Variants in PIP4P1 observed in about 807,000 individuals in gnomAD.
PIP4P1 encodes phosphatidylinositol-4,5-bisphosphate 4-phosphatase 1.
PIP4P1 carries 14 observed loss-of-function variants against 32.3 expected under a neutral mutation model. The ratio of observed to expected loss-of-function variants is 0.43; its 90% confidence interval spans 0.29 to 0.68. The LOEUF is 0.68. Ranked by LOEUF, PIP4P1 falls within the 30% of genes least tolerant of loss-of-function variation. The pLI is 0.15. For synonymous variants in PIP4P1, 132 were observed against 137.9 expected, an observed-to-expected ratio of 0.96 and a Z score of 0.30; for missense variants, 289 against 364.5, an observed-to-expected ratio of 0.79 and a Z score of 1.69.
In PIP4P1 at chr14:20,458,117, G is replaced by T. The variant is rs1881515118; in HGVS notation, c.*442C>A. The T allele has an allele frequency of 2.7e-6, 1 of 366,168 alleles. No individual in the cohort carries two copies. The highest frequency in any genetic ancestry group is 2.1e-5 in the South Asian group (1 of 48,754). The allele number at this position is 366,168 out of a possible 1,614,324, so 22.7% of individuals were successfully genotyped here. ...ACAATGTGGGGAGAGGAGACTGAGGGTACTGAGGCCAGAGCCAACCTCTGG... is the reference window on the plus strand; with the variant it reads ...ACAATGTGGGGAGAGGAGACTGAGGTTACTGAGGCCAGAGCCAACCTCTGG... On this transcript the variant is annotated 3_prime_UTR_variant, in exon 7 of 7. Transcript: ENST00000250489.
chr14:20,461,434 C>T lies in PIP4P1; in HGVS notation c.-109G>A. On this transcript the variant is annotated 5_prime_UTR_variant, in exon 1 of 7. Coordinates refer to ENST00000250489, the MANE Select transcript of PIP4P1 (RefSeq NM_144568.4). ...ACCGCCACCGCCGCTACCGGGTCCC[C>T]AGGGCGCCTGCGCGCCGCGCGCCCA... 1 of 1,146,368 alleles carries T rather than the reference C, an allele frequency of 8.7e-7. No individual in the cohort carries two copies. The highest frequency in any genetic ancestry group is 1.1e-6 in the Non-Finnish European group (1 of 910,900). The allele number at this position is 1,146,368 out of a possible 1,614,324, so 71.0% of individuals were successfully genotyped here.
chr14:20,460,970 C>T, intron 1 of PIP4P1, 125 bp from the exon 2 acceptor site: 1 of 1,297,434 alleles, frequency 7.7e-7, no homozygotes, highest in South Asian at 1.6e-5. Context: ...ATAATTGGCA[C>T]TTCTATCAGG....
chr14:20,461,281 G>C lies in PIP4P1; in HGVS notation c.45C>G (p.Ile15Met). 1 of 1,288,676 alleles carries C rather than the reference G, an allele frequency of 7.8e-7. No homozygotes were observed. Among genetic ancestry groups the C allele is most frequent in the East Asian group, 2.9e-5 (1 of 34,660 alleles). The allele number at this position is 1,288,676 out of a possible 1,614,324, so 79.8% of individuals were successfully genotyped here. A position where few individuals can be genotyped will look rare whatever the true frequency, so the allele number is the denominator to read the frequency against. ...AACCGTTGCCGCCCGCGCCACCGTCGATGGGCTCAGACAGCAGCGGGGAAC... is the reference window on the plus strand; with the variant it reads ...AACCGTTGCCGCCCGCGCCACCGTCCATGGGCTCAGACAGCAGCGGGGAAC... ...GERSPLLSEP[I>M]DGGAGGNGLV... Residue 15 changes from isoleucine (I) to methionine (M), a missense_variant, in exon 1 of 7, where the codon ATC (isoleucine) becomes ATG (methionine). Coordinates refer to ENST00000250489, the MANE Select transcript of PIP4P1 (RefSeq NM_144568.4).
At position 20,460,349 on chromosome 14, in the gene PIP4P1, C is replaced by G. The variant is rs369093051; in HGVS notation, c.334-51G>C. Reference sequence around the variant, plus strand: ...AGCAAACCTCTAATCCCAATCCCCTCCACTTCCCTCCAAAAACACTTTATG... The same window carrying G: ...AGCAAACCTCTAATCCCAATCCCCTGCACTTCCCTCCAAAAACACTTTATG... On this transcript the variant is annotated intron_variant, in intron 2 of 6. Coordinates refer to ENST00000250489, the MANE Select transcript of PIP4P1 (RefSeq NM_144568.4). 540 of 1,305,350 alleles carry G rather than the reference C, an allele frequency of 4.1e-4. 1 individual carries two copies. The African/African-American group carries it at 7.0e-3, about 17-fold the overall frequency. 80.9% of individuals were successfully genotyped at this position (1,305,350 alleles called of 1,614,324 possible).
At position 20,458,472 on chromosome 14, in the gene PIP4P1, C is replaced by T; in HGVS notation, c.*87G>A. ...GCTGCTTGGCTTCCTTCTAGAAGCC[C>T]CGGGAGCCTTTAACTACCCCAGCTC... On this transcript the variant is annotated 3_prime_UTR_variant, in exon 7 of 7. Coordinates refer to ENST00000250489, the MANE Select transcript of PIP4P1 (RefSeq NM_144568.4). The T allele has an allele frequency of 6.3e-7, 1 of 1,586,980 alleles. No homozygotes were observed. The highest frequency in any genetic ancestry group is 8.6e-7 in the Non-Finnish European group (1 of 1,163,884).
At chr14:20,461,100 G>A (rs949985395) in intron 1 of PIP4P1, 84 bp downstream of exon 1, 2 of 1,271,980 alleles carry the variant, frequency 1.6e-6, no homozygotes, top group Non-Finnish European at 2.0e-6. Flanking sequence ...TCCGCCCTCG[G>A]TCCCGCCCCC....
chr14:20,459,576 G>T (rs1019482557), intron 4 of PIP4P1, 52 bp downstream of exon 4: 1 of 1,579,996 alleles, frequency 6.3e-7, no homozygotes, highest in South Asian at 1.1e-5. Context: ...AAATATACTC[G>T]AAATGACTCT....
rs1881544740 is a variant in PIP4P1, at chr14:20,458,396, C to T, written c.*163G>A. The T allele has an allele frequency of 9.8e-7, 1 of 1,017,638 alleles. No individual in the cohort carries two copies. The highest frequency in any genetic ancestry group is 1.4e-5 in the South Asian group (1 of 73,066). 63.0% of individuals were successfully genotyped at this position (1,017,638 alleles called of 1,614,324 possible). On this transcript the variant is annotated 3_prime_UTR_variant, in exon 7 of 7. Transcript: ENST00000250489. ...AGTGCTCTTATCTGCCCCTCCAAAC[C>T]TAAGTGAGGGCCTGGTTCCTTCCTA...
chr14:20,460,000 G>A (rs983988167), intron 3 of PIP4P1, 192 bp downstream of exon 3: 5 of 631,582 alleles, frequency 7.9e-6, no homozygotes, highest in Admixed American at 5.4e-5. Context: ...TCTCCGAAAC[G>A]ACATCATTTC....
At position 20,457,977 on chromosome 14, in the gene PIP4P1, G is replaced by A; in HGVS notation, c.*582C>T. The A allele has an allele frequency of 6.4e-6, 2 of 311,062 alleles. No homozygotes were observed. The highest frequency in any genetic ancestry group is 5.9e-5 in the South Asian group (2 of 33,992). The allele number at this position is 311,062 out of a possible 1,614,324, so 19.3% of individuals were successfully genotyped here. On this transcript the variant is annotated 3_prime_UTR_variant, in exon 7 of 7. Coordinates refer to ENST00000250489, the MANE Select transcript of PIP4P1 (RefSeq NM_144568.4). ...ACTGGGGGGGTAAAAAAGGTCGGGA[G>A]GAGGAATTAAGGGAAATACAGGAAT...
chr14:20,460,985 T>C, intron 1 of PIP4P1, 140 bp from the exon 2 acceptor site: 3 of 1,277,206 alleles, frequency 2.3e-6, no homozygotes, highest in Non-Finnish European at 3.1e-6. Flanking sequence ...ATCAGGTTGC[T>C]CAGAACCCCC....
At chr14:20,459,350 C>G in intron 5 of PIP4P1, 38 bp downstream of exon 5, 1 of 1,614,186 alleles carries the variant, frequency 6.2e-7, no homozygotes, top group Non-Finnish European at 8.5e-7. Context: ...AGTTTTTACT[C>G]CATACATCAA....
In PIP4P1 at chr14:20,460,247, A is replaced by C; in HGVS notation, c.385T>G (p.Cys129Gly). The C allele has an allele frequency of 1.2e-6, 2 of 1,614,216 alleles. No individual in the cohort carries two copies. The highest frequency in any genetic ancestry group is 1.7e-6 in the Non-Finnish European group (2 of 1,180,038). ...GKKYVRCPCN[C>G]LLICKVTSQR... Reference sequence around the variant, plus strand: ...GATGTCACTTTGCAGATAAGGAGACAGTTACAGGGGCATCGAACATATTTT... The same window carrying C: ...GATGTCACTTTGCAGATAAGGAGACCGTTACAGGGGCATCGAACATATTTT... Residue 129 changes from cysteine to glycine, a missense_variant, in exon 3 of 7, where the codon TGT (cysteine) becomes GGT (glycine). Transcript: ENST00000250489.
At chr14:20,460,100 G>C (rs1339776203) in intron 3 of PIP4P1, 92 bp downstream of exon 3, 6 of 946,714 alleles carry the variant, frequency 6.3e-6, no homozygotes, top group Admixed American at 1.8e-5. Context: ...ATAAACACTA[G>C]GCTCTCTCAC....
chr14:20,459,215 A>G lies in PIP4P1; in HGVS notation c.681T>C (p.Thr227=). Residue 227 remains threonine (T), a synonymous_variant, in exon 6 of 7, where the codon ACT becomes ACC. Transcript: ENST00000250489. ...LLGLLLAVTA[T]GLAFGTWKHA... ...GGGCAAGGGTACTCACGGCAAGGCC[A>G]GTGGCAGTGACTGCCAAAAGCAAGC... is the stretch of plus-strand genomic sequence containing the variant. The G allele has an allele frequency of 1.2e-6, 2 of 1,614,212 alleles. No homozygotes were observed. Among genetic ancestry groups the G allele is most frequent in the African/African-American group, 1.3e-5 (1 of 75,072 alleles).
At chr14:20,459,904 G>A in intron 3 of PIP4P1, 171 bp from the exon 4 acceptor site, 2 of 629,454 alleles carry the variant, frequency 3.2e-6, no homozygotes, top group Non-Finnish European at 5.5e-6. Context: ...AAGAATCCTT[G>A]AGAAAGAAAG....
chr14:20,457,945 T>C lies in PIP4P1; in HGVS notation c.*614A>G. On this transcript the variant is annotated 3_prime_UTR_variant, in exon 7 of 7. Transcript: ENST00000250489. Reference sequence around the variant, plus strand: ...AGCAACCCTACCCAGCCCAGTTAAATACTGCAACTGGGGGGGTAAAAAAGG... The same window carrying C: ...AGCAACCCTACCCAGCCCAGTTAAACACTGCAACTGGGGGGGTAAAAAAGG... The C allele has an allele frequency of 3.2e-6, 1 of 314,214 alleles. No individual in the cohort carries two copies. The highest frequency in any genetic ancestry group is 2.9e-5 in the South Asian group (1 of 34,800). The allele number at this position is 314,214 out of a possible 1,614,324, so 19.5% of individuals were successfully genotyped here.
intron 2 of PIP4P1, 29 bp downstream of exon 2, chr14:20,460,626 G>T: frequency 6.2e-7 from 1 of 1,607,160 alleles, no homozygotes; most frequent in Non-Finnish European, 8.5e-7. Flanking sequence ...CAGGAAACAG[G>T]GCCCATTTCA....
chr14:20,459,384 T>C lies in PIP4P1; in HGVS notation c.599+4A>G. 1 of 1,614,178 alleles carries C rather than the reference T, an allele frequency of 6.2e-7. No homozygotes were observed. Among genetic ancestry groups the C allele is most frequent in the Non-Finnish European group, 8.5e-7 (1 of 1,180,024 alleles). ...AATTACCAGCTCAATCCCTAATCAC[T>C]TACACTTTCCTGCAGTGAGGACAAC... On this transcript the variant is annotated splice_donor_region_variant and intron_variant, in intron 5 of 6. Coordinates refer to ENST00000250489, the MANE Select transcript of PIP4P1 (RefSeq NM_144568.4).
Sources: gnomAD v4.1 joint callset for allele counts on GRCh38, gnomAD v4.1.1 for gene constraint, MANE v1.5 for transcripts, NCBI Gene and HGNC (gene_info 2026-07-23, HGNC 2026-07-21) for gene names.